The following PDLIM5 variants were observed in gnomAD, a reference collection of about 807,000 sequenced individuals.
PDLIM5 encodes PDZ and LIM domain 5.
A neutral mutation model predicts 64.2 loss-of-function variants in PDLIM5; 34 were observed. The ratio of observed to expected loss-of-function variants is 0.53; its 90% CI spans 0.40 to 0.71. PDLIM5 has a LOEUF of 0.71. Ranked by LOEUF, PDLIM5 falls within the 30% of genes least tolerant of loss-of-function variation. PDLIM5 has a pLI of 0.00. For missense variants in PDLIM5, 683 were observed against 733.6 expected, an observed-to-expected ratio of 0.93 and a Z score of 0.80; for synonymous variants, 253 against 269.1, an observed-to-expected ratio of 0.94 and a Z score of 0.59.
At chr4:94,584,860 G>A (rs375269260) in intron 5 of PDLIM5, 42 of 645,648 alleles carry the variant, frequency 6.5e-5, no homozygotes, top group African/African-American at 6.3e-4. Flanking sequence ...ATAATTTCAA[G>A]AAGTTTGATT....
intron 7 of PDLIM5, among the ~76,000 whole-genome samples, chr4:94,590,607 G>A (rs988412889): frequency 6.6e-6 from 1 of 152,160 alleles, no homozygotes; most frequent in Non-Finnish European, 1.5e-5. Flanking sequence ...AGATTATGTG[G>A]ACCTCTGAGG....
intron 3 of PDLIM5, among the ~76,000 whole-genome samples, chr4:94,527,133 T>G (rs1454655696): frequency 1.5e-5 from 2 of 134,366 alleles, no homozygotes; most frequent in Non-Finnish European, 3.1e-5. Context: ...CTCAGCTCAC[T>G]GCACCCTCCA....
At chr4:94,552,914 G>A (rs900436920) in intron 3 of PDLIM5, among the ~76,000 whole-genome samples, 1 of 152,050 alleles carries the variant, frequency 6.6e-6, no homozygotes, top group Admixed American at 6.6e-5. Context: ...AGGTGACTTT[G>A]GTAGTCTAGG....
intron 2 of PDLIM5, among the ~76,000 whole-genome samples, chr4:94,499,603 C>G (rs953269809): frequency 1.1e-4 from 16 of 152,208 alleles, no homozygotes; most frequent in African/African-American, 3.4e-4. Context: ...TAGGCAGATG[C>G]GTGTAGGTTA....
intron 7 of PDLIM5, among the ~76,000 whole-genome samples, chr4:94,604,673 A>G (rs1737770531): frequency 6.6e-6 from 1 of 152,014 alleles, no homozygotes; most frequent in Non-Finnish European, 1.5e-5. Context: ...TAGAAACAGT[A>G]GAATGGTGCT....
chr4:94,467,503 AG>A (rs1393074531), intron 2 of PDLIM5, among the ~76,000 whole-genome samples: 1 of 151,980 alleles, frequency 6.6e-6, no homozygotes, highest in African/African-American at 2.4e-5. Flanking sequence ...TAGTAGAGAC[AG>A]GGTTTCATCA....
chr4:94,489,289 G>C (rs1163633505), intron 2 of PDLIM5, among the ~76,000 whole-genome samples: 1 of 152,184 alleles, frequency 6.6e-6, no homozygotes, highest in Non-Finnish European at 1.5e-5. Flanking sequence ...GAACTTTACA[G>C]GGTGTGGGAA....
At chr4:94,639,042 T>G (rs1009379071) in intron 8 of PDLIM5, among the ~76,000 whole-genome samples, 6 of 152,110 alleles carry the variant, frequency 3.9e-5, no homozygotes, top group African/African-American at 1.4e-4. Context: ...GAAATGTAAT[T>G]CAGGGAGAGT....
chr4:94,573,316 A>ATTTTTT, intron 3 of PDLIM5, 35 bp from the exon 4 acceptor site: 2 of 1,467,836 alleles, frequency 1.4e-6, no homozygotes, highest in Non-Finnish European at 1.9e-6. Flanking sequence ...AAAATTCATT[A>ATTTTTT]TTTTTTTTTT....
intron 2 of PDLIM5, among the ~76,000 whole-genome samples, chr4:94,475,159 C>G (rs1420583867): frequency 6.7e-6 from 1 of 149,534 alleles, no homozygotes; most frequent in Non-Finnish European, 1.5e-5. Context: ...TTTTTTTTAC[C>G]TAAAGGAGGG....
chr4:94,474,525 A>C (rs890976149), intron 2 of PDLIM5, among the ~76,000 whole-genome samples: 3 of 152,228 alleles, frequency 2.0e-5, no homozygotes, highest in Non-Finnish European at 4.4e-5. Context: ...TGCTGTGATT[A>C]CAGGTGTGAG....
At chr4:94,642,527 C>T (rs530616970) in intron 9 of PDLIM5, among the ~76,000 whole-genome samples, 1 of 152,124 alleles carries the variant, frequency 6.6e-6, no homozygotes, top group Non-Finnish European at 1.5e-5. Context: ...TTATTGCTCC[C>T]TCATCTGTTA....
intron 9 of PDLIM5, among the ~76,000 whole-genome samples, chr4:94,648,820 A>T (rs1741618356): frequency 6.6e-6 from 1 of 152,076 alleles, no homozygotes; most frequent in Admixed American, 6.5e-5. Flanking sequence ...TCACAACATG[A>T]TTGCTTTCTT....
intron 8 of PDLIM5, among the ~76,000 whole-genome samples, chr4:94,627,098 C>G (rs1739759099): frequency 6.6e-6 from 1 of 152,078 alleles, no homozygotes; most frequent in South Asian, 2.1e-4. Context: ...TATATTTCAT[C>G]TCTTCTAATA....
At chr4:94,532,379 G>A (rs1361046869) in intron 3 of PDLIM5, among the ~76,000 whole-genome samples, 1 of 149,774 alleles carries the variant, frequency 6.7e-6, no homozygotes, top group African/African-American at 2.5e-5. Flanking sequence ...GAAGAAAAGG[G>A]CTCCCTGCTT....
chr4:94,532,376 AG>A (rs1317414874), intron 3 of PDLIM5, among the ~76,000 whole-genome samples: 1 of 152,070 alleles, frequency 6.6e-6, no homozygotes, highest in Non-Finnish European at 1.5e-5. Flanking sequence ...GAAGAAGAAA[AG>A]GGCTCCCTGC....
In PDLIM5 at chr4:94,523,895, T is replaced by C. The variant is rs1354600220; in HGVS notation, c.248+20T>C. ...GCAAAGGTAAGTTGCTTTTTGTTTG[T>C]CCCTGAAAGAGAAAACAACATTGAG... On this transcript the variant is annotated intron_variant, in intron 3 of 12. Coordinates refer to ENST00000317968, the MANE Select transcript of PDLIM5 (RefSeq NM_006457.5). 9 of 1,594,902 alleles carry C rather than the reference T, an allele frequency of 5.6e-6. No homozygotes were observed. Among genetic ancestry groups the C allele is most frequent in the Non-Finnish European group, 6.9e-6 (8 of 1,165,038 alleles).
intron 8 of PDLIM5, among the ~76,000 whole-genome samples, chr4:94,624,058 C>T (rs1029214751): frequency 6.6e-6 from 1 of 151,712 alleles, no homozygotes; most frequent in African/African-American, 2.4e-5. Context: ...CACCTGTAAT[C>T]CCAATAGTGT....
At chr4:94,496,421 G>A (rs942115498) in intron 2 of PDLIM5, among the ~76,000 whole-genome samples, 10 of 151,940 alleles carry the variant, frequency 6.6e-5, no homozygotes, top group Admixed American at 1.3e-4. Context: ...GGCTGCTTTC[G>A]CCAACAGACT....
Sources: allele counts gnomAD v4.1 joint callset (sites outside exome capture counted in the v4.1 genomes callset), GRCh38; gene constraint gnomAD v4.1.1; transcripts MANE v1.5; gene names NCBI Gene and HGNC (gene_info 2026-07-23, HGNC 2026-07-21).